Variants in PDE4B observed in about 807,000 individuals in gnomAD.
PDE4B encodes the protein phosphodiesterase 4B.
Under a neutral mutation model 82.2 loss-of-function variants are expected in PDE4B, and 20 were observed. The observed-to-expected ratio is 0.24, with a 90% confidence interval of 0.17 to 0.35. The LOEUF (loss-of-function observed/expected upper bound fraction) is 0.35, where lower values mean the gene tolerates loss of function less well. Among genes scored for constraint, PDE4B ranks in the 10% least tolerant of loss-of-function variants. The pLI, the probability that PDE4B is intolerant of heterozygous loss-of-function variation, is 1.00. For missense variants in PDE4B, 655 were observed against 907.2 expected (o/e 0.72, Z 3.57); for synonymous variants, 320 against 318.9 (o/e 1.00, Z -0.04).
chr1:66,334,585 C>T (rs1312826914), intron 8 of PDE4B, among the ~76,000 whole-genome samples: 1 of 152,156 alleles, frequency 6.6e-6, no homozygotes, highest in Non-Finnish European at 1.5e-5. Flanking sequence ...AATGCTGACA[C>T]AGTTAGCTTA....
chr1:65,939,673 A>G (rs1431000619), intron 3 of PDE4B, among the ~76,000 whole-genome samples: 5 of 152,154 alleles, frequency 3.3e-5, no homozygotes, highest in African/African-American at 7.2e-5. Context: ...AATAAGTTAT[A>G]TAAGTATAAG....
At chr1:66,213,009 C>G (rs573116317) in intron 3 of PDE4B, among the ~76,000 whole-genome samples, 1 of 152,348 alleles carries the variant, frequency 6.6e-6, no homozygotes, top group Non-Finnish European at 1.5e-5. Flanking sequence ...TGTTCCTCCT[C>G]TTTCTCAGCA....
chr1:65,856,245 T>C (rs948146092), intron 1 of PDE4B, among the ~76,000 whole-genome samples: 9 of 152,140 alleles, frequency 5.9e-5, no homozygotes, highest in Admixed American at 3.3e-4. Context: ...AACGTGCAGG[T>C]TTGTTACATG....
At chr1:66,135,554 A>G (rs182608670) in intron 3 of PDE4B, among the ~76,000 whole-genome samples, 3 of 152,324 alleles carry the variant, frequency 2.0e-5, no homozygotes, top group Admixed American at 2.0e-4. Flanking sequence ...GATTGATGCC[A>G]ATGACTGGGA....
intron 3 of PDE4B, among the ~76,000 whole-genome samples, chr1:66,047,403 G>C (rs184650155): frequency 6.6e-6 from 1 of 151,848 alleles, no homozygotes; most frequent in African/African-American, 2.4e-5. Context: ...TGTTATTGTT[G>C]TTATCCAAAG....
intron 1 of PDE4B, among the ~76,000 whole-genome samples, chr1:65,810,727 G>A (rs1225245728): frequency 1.3e-5 from 2 of 152,036 alleles, no homozygotes; most frequent in African/African-American, 4.8e-5. Context: ...ACATTGACTT[G>A]TAAGACTTTT....
intron 6 of PDE4B, among the ~76,000 whole-genome samples, chr1:66,259,105 T>A (rs1654481737): frequency 6.6e-6 from 1 of 152,256 alleles, no homozygotes; most frequent in Non-Finnish European, 1.5e-5. Flanking sequence ...ATCTAGAGGC[T>A]TGTCTCAGCC....
At chr1:66,294,761 G>C (rs1336311349) in intron 7 of PDE4B, among the ~76,000 whole-genome samples, 1 of 152,016 alleles carries the variant, frequency 6.6e-6, no homozygotes, top group Non-Finnish European at 1.5e-5. Context: ...TCAAAGAGGA[G>C]AGACACGGTT....
At chr1:66,206,873 G>T (rs1649597455) in intron 3 of PDE4B, among the ~76,000 whole-genome samples, 1 of 152,156 alleles carries the variant, frequency 6.6e-6, no homozygotes, top group African/African-American at 2.4e-5. Context: ...TAAACAAACT[G>T]CAGATATATT....
At chr1:66,371,124 ATATATATAT>A (rs2050758568) in intron 16 of PDE4B, among the ~76,000 whole-genome samples, 3 of 125,968 alleles carry the variant, frequency 2.4e-5, no homozygotes, top group Non-Finnish European at 5.1e-5. Context: ...ATATATATAT[ATATATATAT>A]AATTTTATTT....
At chr1:65,900,839 G>T (rs1474550950) in intron 1 of PDE4B, among the ~76,000 whole-genome samples, 2 of 152,068 alleles carry the variant, frequency 1.3e-5, no homozygotes, top group Non-Finnish European at 2.9e-5. Flanking sequence ...TCATTTATGA[G>T]TTCTAGGAAC....
intron 3 of PDE4B, among the ~76,000 whole-genome samples, chr1:66,003,974 G>A (rs1266104364): frequency 6.6e-6 from 1 of 152,128 alleles, no homozygotes; most frequent in Non-Finnish European, 1.5e-5. Flanking sequence ...ACGACATAGA[G>A]ACTTTAGGAT....
intron 7 of PDE4B, among the ~76,000 whole-genome samples, chr1:66,294,719 AGAG>A (rs1657374404): frequency 6.6e-6 from 1 of 152,138 alleles, no homozygotes; most frequent in South Asian, 2.1e-4. Flanking sequence ...TTCCAGCAAA[AGAG>A]GAGAAAAAAA....
chr1:65,961,866 T>C (rs986951203), intron 3 of PDE4B, among the ~76,000 whole-genome samples: 3 of 152,240 alleles, frequency 2.0e-5, no homozygotes, highest in Middle Eastern at 3.4e-3. Flanking sequence ...AACAAAGGCA[T>C]GAAGGCTTGA....
intron 3 of PDE4B, among the ~76,000 whole-genome samples, chr1:66,229,899 T>TA (rs1651809255): frequency 6.6e-6 from 1 of 152,328 alleles, no homozygotes; most frequent in African/African-American, 2.4e-5. Context: ...GCCCTTTAGC[T>TA]AGCAAATGAC....
intron 3 of PDE4B, among the ~76,000 whole-genome samples, chr1:66,177,322 A>G (rs1173353563): frequency 6.6e-6 from 1 of 152,226 alleles, no homozygotes; most frequent in African/African-American, 2.4e-5. Context: ...GTTAATTAAT[A>G]TATGCCAAAT....
intron 9 of PDE4B, chr1:66,360,919 C>T (rs1355151573): frequency 1.3e-5 from 2 of 151,990 alleles, no homozygotes; most frequent in Non-Finnish European, 2.9e-5. Flanking sequence ...TTATTACAAA[C>T]AAGAGGCCTT....
chr1:66,078,893 T>G (rs1308069142), intron 3 of PDE4B, among the ~76,000 whole-genome samples: 3 of 152,068 alleles, frequency 2.0e-5, no homozygotes, highest in Admixed American at 1.3e-4. Flanking sequence ...TGTGGGCCAC[T>G]TAGAGTTTTG....
At chr1:66,297,460 C>A (rs926044968) in intron 7 of PDE4B, among the ~76,000 whole-genome samples, 7 of 152,042 alleles carry the variant, frequency 4.6e-5, no homozygotes, top group Non-Finnish European at 8.8e-5. Flanking sequence ...AAAGTAATTC[C>A]CAAACTCTTA....
Sources: gnomAD v4.1 joint callset for allele counts (sites outside exome capture counted in the v4.1 genomes callset) on GRCh38, gnomAD v4.1.1 for gene constraint, MANE v1.5 for transcripts, NCBI Gene and HGNC (gene_info 2026-07-23, HGNC 2026-07-21) for gene names.